Variants in PCDHA1 observed in about 807,000 individuals in gnomAD.
PCDHA1 encodes protocadherin alpha-1.
A neutral mutation model predicts 61.3 loss-of-function variants in PCDHA1; 42 were observed. The observed-to-expected ratio is 0.69, with a 90% CI of 0.54 to 0.89. The LOEUF (loss-of-function observed/expected upper bound fraction) is 0.89, where lower values mean the gene tolerates loss of function less well. PCDHA1 is among the 40% of genes least tolerant of loss of function. PCDHA1 has a pLI of 0.00. For missense variants in PCDHA1, 1,256 were observed against 1,235.3 expected, an observed-to-expected ratio of 1.02 and a Z score of -0.25; for synonymous variants, 610 against 553.8, an observed-to-expected ratio of 1.10 and a Z score of -1.43.
At chr5:140,794,548 T>A (rs1415685411) in intron 1 of PCDHA1, among the ~76,000 whole-genome samples, 1 of 152,206 alleles carries the variant, frequency 6.6e-6, no homozygotes, top group Non-Finnish European at 1.5e-5. Context: ...AGATGAAAAA[T>A]TTGTAACAAT....
chr5:140,856,970 G>T (rs2044296852), intron 1 of PCDHA1: 1 of 1,592,058 alleles, frequency 6.3e-7, no homozygotes, highest in Non-Finnish European at 8.6e-7. Flanking sequence ...TGATGCTATT[G>T]ACTTTGAGGA....
At chr5:140,928,276 G>T in intron 1 of PCDHA1, 1 of 1,614,172 alleles carries the variant, frequency 6.2e-7, no homozygotes, top group Non-Finnish European at 8.5e-7. Context: ...TGGCCCTGGG[G>T]CCTCTCTAGG....
intron 1 of PCDHA1, chr5:140,871,504 C>CT: frequency 6.3e-7 from 1 of 1,581,824 alleles, no homozygotes; most frequent in South Asian, 1.1e-5. Flanking sequence ...GGTGAGTTTT[C>CT]TACAGATTCC....
rs74292623 is a variant in PCDHA1, at chr5:140,790,650, A to G, written c.2394+1966A>G. Among the ~76,000 whole-genome samples the G allele has an allele frequency of 4.6e-5, 7 of 152,362 alleles. No homozygotes were observed. The East Asian group carries it at 1.3e-3, about 29-fold the overall frequency. ...AGGATTATAAAATTGGAAAAAATAG[A>G]TCAGAAAATCACAAAATAATTTCTC... On this transcript the variant is annotated intron_variant, in intron 1 of 3. Coordinates refer to ENST00000504120, the MANE Select transcript of PCDHA1 (RefSeq NM_018900.4).
rs571694728 is a variant in PCDHA1, at chr5:140,949,343, CTG to C, written c.2395-29602_2395-29601del. Among the ~76,000 whole-genome samples the C allele has an allele frequency of 8.0e-4, 121 of 151,818 alleles. 1 individual carries two copies. Among genetic ancestry groups the C allele is most frequent in the Admixed American group, 3.5e-3 (54 of 15,258 alleles). On this transcript the variant is annotated intron_variant, in intron 1 of 3. Transcript: ENST00000504120. ...TATAAATTATTGTTATCCAGATTTT[CTG>C]TGTCTTTATTTTTTTGTCTAGTTGT...
In PCDHA1 at chr5:140,871,470, G is replaced by A. The variant is rs782433204; in HGVS notation, c.2394+82786G>A. ...AAGAGGAGGAAGGGGAAAGACAGGAGCCAGGGTCAAATCACCCCGGACAGG... is the reference window on the plus strand; with the variant it reads ...AAGAGGAGGAAGGGGAAAGACAGGAACCAGGGTCAAATCACCCCGGACAGG... On this transcript the variant is annotated intron_variant, in intron 1 of 3. Coordinates refer to ENST00000504120, the MANE Select transcript of PCDHA1 (RefSeq NM_018900.4). The A allele has an allele frequency of 3.1e-6, 5 of 1,601,030 alleles. No individual in the cohort carries two copies. In the South Asian group the frequency reaches 4.5e-5, roughly 14 times the overall value.
intron 1 of PCDHA1, among the ~76,000 whole-genome samples, chr5:140,941,202 CCTTTCTTTCTTCCTTTCTTT>C (rs1442425625): frequency 7.3e-5 from 9 of 122,742 alleles, no homozygotes; most frequent in Non-Finnish European, 1.3e-4. Context: ...TTTCTTTCTT[CCTTTCTTTCTTCCTTTCTTT>C]CTTTCTTTCT....
chr5:140,897,080 A>AT lies in PCDHA1; in HGVS notation c.2395-81863dup, dbSNP rs201233181. The stretch of plus-strand genomic sequence containing the variant: ...ATACTATGTCTTATTCATTTTTTCT[A>AT]TTTTTTATCCTCATTAAAAATCTCC... On this transcript the variant is annotated intron_variant, in intron 1 of 3. Transcript: ENST00000504120. 8.0e-3 allele frequency among the ~76,000 whole-genome samples: 1,212 copies of AT among 152,020 alleles called. 6 individuals carry two copies. Among genetic ancestry groups the AT allele is most frequent in the African/African-American group, 0.019 (783 of 41,452 alleles).
chr5:140,844,101 A>G lies in PCDHA1; in HGVS notation c.2394+55417A>G, dbSNP rs981033565. Among the ~76,000 whole-genome samples, 6 of 149,238 alleles carry G rather than the reference A, an allele frequency of 4.0e-5. 1 individual carries two copies. In the South Asian group the frequency reaches 1.1e-3, roughly 26 times the overall value. On this transcript the variant is annotated intron_variant, in intron 1 of 3. Transcript: ENST00000504120. ...GGCACTGAACTCTTAATCTTACTCC[A>G]TATGCTGTACTTTGAAATGCATGTT... is the stretch of plus-strand genomic sequence containing the variant.
At chr5:140,884,667 G>A (rs1304262646) in intron 1 of PCDHA1, 4 of 1,568,684 alleles carry the variant, frequency 2.5e-6, no homozygotes, top group Non-Finnish European at 2.6e-6. Context: ...AAAGAGGTAA[G>A]CTTATATTTT....
intron 3 of PCDHA1, among the ~76,000 whole-genome samples, chr5:140,988,599 G>A (rs782117836): frequency 6.6e-6 from 1 of 152,154 alleles, no homozygotes; most frequent in Non-Finnish European, 1.5e-5. Flanking sequence ...TAATGGTCAT[G>A]TAAATAAAAG....
At chr5:140,821,663 A>G (rs1483441672) in intron 1 of PCDHA1, 31 of 1,228,850 alleles carry the variant, frequency 2.5e-5, no homozygotes, top group Non-Finnish European at 1.6e-5. Flanking sequence ...TGGCTGTGCC[A>G]AGAAGCTCAG....
intron 3 of PCDHA1, among the ~76,000 whole-genome samples, chr5:141,000,417 A>AT (rs1563652061): frequency 7.5e-4 from 58 of 77,708 alleles, no homozygotes; most frequent in African/African-American, 1.3e-3. Context: ...ATATATATAT[A>AT]TATATTTTTT....
At chr5:140,966,972 T>G (rs1554229007) in intron 1 of PCDHA1, 1 of 1,602,828 alleles carries the variant, frequency 6.2e-7, no homozygotes, top group African/African-American at 1.3e-5. Flanking sequence ...GGGCTTGAGC[T>G]GCGGCGCTTG....
At chr5:140,799,309 CT>C (rs1554120887) in intron 1 of PCDHA1, among the ~76,000 whole-genome samples, 2 of 152,178 alleles carry the variant, frequency 1.3e-5, no homozygotes, top group Admixed American at 1.3e-4. Flanking sequence ...ATTAGTATAA[CT>C]CTTAAAGGTA....
At chr5:141,006,276 A>T (rs2098265134) in intron 3 of PCDHA1, among the ~76,000 whole-genome samples, 1 of 151,894 alleles carries the variant, frequency 6.6e-6, no homozygotes, top group Admixed American at 6.6e-5. Context: ...CAGTGGCACG[A>T]TCTCAGCTCA....
chr5:140,948,017 T>TTTTCC (rs1351599974), intron 1 of PCDHA1, among the ~76,000 whole-genome samples: 1 of 151,262 alleles, frequency 6.6e-6, no homozygotes, highest in African/African-American at 2.4e-5. Flanking sequence ...GGAAGTACCC[T>TTTTCC]TTCTGGTTTG....
At chr5:140,902,203 C>CT (rs148688132) in intron 1 of PCDHA1, among the ~76,000 whole-genome samples, 2,237 of 124,430 alleles carry the variant, frequency 0.018, 39 homozygotes, top group East Asian at 0.05. Context: ...CTCTCTCTTT[C>CT]TTTTTTTTTT....
At chr5:140,822,530 A>G (rs2150117058) in intron 1 of PCDHA1, 1 of 1,613,856 alleles carries the variant, frequency 6.2e-7, no homozygotes, top group Non-Finnish European at 8.5e-7. Context: ...AGATTGTTGG[A>G]AAATGCACCA....
Sources: gnomAD v4.1 joint callset for allele counts (sites outside exome capture counted in the v4.1 genomes callset) on GRCh38, gnomAD v4.1.1 for gene constraint, MANE v1.5 for transcripts, NCBI Gene and HGNC (gene_info 2026-07-23, HGNC 2026-07-21) for gene names.